The following ADAMTSL1 variants were observed in gnomAD, a reference collection of about 807,000 sequenced individuals.
ADAMTSL1 encodes ADAMTS-like protein 1.
Under a neutral mutation model 201.8 loss-of-function variants are expected in ADAMTSL1, and 126 were observed. The observed-to-expected ratio is 0.62, with a 90% CI of 0.54 to 0.72. The LOEUF (loss-of-function observed/expected upper bound fraction) is 0.72. ADAMTSL1 is among the 30% of genes least tolerant of loss of function. The pLI is 0.00. For missense variants in ADAMTSL1, 2,679 were observed against 2,277.8 expected (o/e 1.18, Z -3.59); for synonymous variants, 1,121 against 903.4 (o/e 1.24, Z -4.32).
chr9:18,779,212 T>G (rs1014839072), intron 19 of ADAMTSL1, among the ~76,000 whole-genome samples: 2 of 152,238 alleles, frequency 1.3e-5, no homozygotes, highest in Non-Finnish European at 2.9e-5. Context: ...CAAGTTTATT[T>G]GATTCCAAGG....
chr9:18,885,796 GGTGCCCAGCT>G (rs931024090), intron 23 of ADAMTSL1, among the ~76,000 whole-genome samples: 20 of 152,206 alleles, frequency 1.3e-4, no homozygotes, highest in African/African-American at 4.8e-4. Flanking sequence ...GAGGTAGCAA[GGTGCCCAGCT>G]GAACAAGTAG....
intron 2 of ADAMTSL1, among the ~76,000 whole-genome samples, chr9:18,452,835 T>G (rs1190950013): frequency 1.3e-5 from 2 of 152,218 alleles, no homozygotes; most frequent in East Asian, 3.9e-4. Flanking sequence ...CTCATTCCTT[T>G]GACTTTGCTG....
intron 23 of ADAMTSL1, among the ~76,000 whole-genome samples, chr9:18,866,790 G>C (rs79496899): frequency 1.4e-4 from 22 of 152,132 alleles, no homozygotes; most frequent in African/African-American, 4.8e-4. Flanking sequence ...TTCAAGTAAC[G>C]GTCCAGAGGA....
intron 2 of ADAMTSL1, among the ~76,000 whole-genome samples, chr9:18,374,325 AT>A (rs970729309): frequency 1.3e-5 from 2 of 151,228 alleles, no homozygotes; most frequent in Admixed American, 6.6e-5. Flanking sequence ...TATTTATTTA[AT>A]TTTTTTTAAT....
intron 1 of ADAMTSL1, among the ~76,000 whole-genome samples, chr9:18,019,941 A>T (rs1820412914): frequency 6.6e-6 from 1 of 152,112 alleles, no homozygotes; most frequent in Admixed American, 6.6e-5. Flanking sequence ...GTTAGATGTT[A>T]GAATCACTAT....
intron 20 of ADAMTSL1, among the ~76,000 whole-genome samples, chr9:18,812,254 G>C (rs1211853035): frequency 1.5e-5 from 2 of 131,516 alleles, no homozygotes; most frequent in African/African-American, 2.8e-5. Context: ...ACAGAATAGA[G>C]AACTCAGAAA....
intron 1 of ADAMTSL1, among the ~76,000 whole-genome samples, chr9:18,108,255 C>G (rs781247932): frequency 1.3e-4 from 18 of 140,056 alleles, no homozygotes; most frequent in Non-Finnish European, 2.1e-4. Flanking sequence ...GGCTGGTGTA[C>G]AGTGACACCA....
intron 4 of ADAMTSL1, among the ~76,000 whole-genome samples, chr9:18,602,439 C>T (rs556070663): frequency 4.6e-5 from 7 of 152,264 alleles, no homozygotes; most frequent in South Asian, 2.1e-4. Flanking sequence ...TGGTTTGCAG[C>T]GTAGAGGAAT....
chr9:18,648,289 G>A (rs1276211663), intron 7 of ADAMTSL1, among the ~76,000 whole-genome samples: 1 of 146,006 alleles, frequency 6.8e-6, no homozygotes, highest in East Asian at 2.0e-4. Flanking sequence ...GTCTCTGCAT[G>A]TGAGATGGGT....
At chr9:18,307,787 G>A (rs923089754) in intron 2 of ADAMTSL1, among the ~76,000 whole-genome samples, 70 of 152,194 alleles carry the variant, frequency 4.6e-4, no homozygotes, top group African/African-American at 1.6e-3. Context: ...ACAGATCAAT[G>A]AGACAGAAAA....
At chr9:18,406,502 T>C (rs532789851) in intron 2 of ADAMTSL1, among the ~76,000 whole-genome samples, 1 of 152,068 alleles carries the variant, frequency 6.6e-6, no homozygotes, top group East Asian at 1.9e-4. Flanking sequence ...CTAATTTTTT[T>C]GTATTTTTCG....
intron 1 of ADAMTSL1, among the ~76,000 whole-genome samples, chr9:17,951,627 CT>C (rs60569100): frequency 0.11 from 15,889 of 143,728 alleles, 903 homozygotes; most frequent in South Asian, 0.21. Flanking sequence ...AACCATTACT[CT>C]TTTTTTTTTT....
chr9:18,833,993 G>A (rs1825159824), intron 23 of ADAMTSL1, among the ~76,000 whole-genome samples: 1 of 152,098 alleles, frequency 6.6e-6, no homozygotes, highest in African/African-American at 2.4e-5. Context: ...AGATTAGATG[G>A]TAGTAGGTAT....
At chr9:18,033,014 C>T (rs946272875) in intron 1 of ADAMTSL1, among the ~76,000 whole-genome samples, 2 of 152,150 alleles carry the variant, frequency 1.3e-5, no homozygotes, top group Admixed American at 6.5e-5. Context: ...TTTGGTTTCT[C>T]TCTGTGGGAC....
intron 2 of ADAMTSL1, among the ~76,000 whole-genome samples, chr9:18,307,693 A>G (rs1042469415): frequency 6.6e-6 from 1 of 152,148 alleles, no homozygotes; most frequent in African/African-American, 2.4e-5. Flanking sequence ...AGATTCATAA[A>G]GCAAGTTCTT....
chr9:18,542,126 T>C (rs1346072402), intron 3 of ADAMTSL1, among the ~76,000 whole-genome samples: 1 of 152,222 alleles, frequency 6.6e-6, no homozygotes, highest in African/African-American at 2.4e-5. Context: ...TATGCTTTTA[T>C]AGTGTTTTAA....
At chr9:18,682,787 G>A (rs1417459579) in intron 12 of ADAMTSL1, among the ~76,000 whole-genome samples, 1 of 151,764 alleles carries the variant, frequency 6.6e-6, no homozygotes, top group Non-Finnish European at 1.5e-5. Context: ...TACTATAGGT[G>A]GCCCTAATTG....
chr9:18,260,750 A>C (rs1831887588), intron 2 of ADAMTSL1, among the ~76,000 whole-genome samples: 2 of 152,308 alleles, frequency 1.3e-5, no homozygotes, highest in South Asian at 4.1e-4. Flanking sequence ...CTAGTGTGCC[A>C]GACCAGCCTA....
chr9:18,845,268 C>A (rs567570059), intron 23 of ADAMTSL1, among the ~76,000 whole-genome samples: 1 of 149,688 alleles, frequency 6.7e-6, no homozygotes, highest in South Asian at 2.2e-4. Flanking sequence ...ATTGGAGGCA[C>A]ATGTCAGCCC....
Sources: gnomAD v4.1 joint callset for allele counts (sites outside exome capture counted in the v4.1 genomes callset) on GRCh38, gnomAD v4.1.1 for gene constraint, MANE v1.5 for transcripts, NCBI Gene and HGNC (gene_info 2026-07-23, HGNC 2026-07-21) for gene names.